The following OTUB1 variants were observed in gnomAD, a reference collection of about 807,000 sequenced individuals.
The protein encoded by OTUB1 is ubiquitin thioesterase OTUB1.
OTUB1 carries 10 observed loss-of-function variants against 35.8 expected under a neutral mutation model. That is an observed-to-expected ratio of 0.28 (90% CI 0.17 to 0.47). OTUB1 has a LOEUF of 0.47. OTUB1 is among the 20% of genes least tolerant of loss of function. The probability of loss-of-function intolerance (pLI) is 0.99; values close to 1 mark genes in which losing one functional copy is unlikely to be tolerated. For synonymous variants in OTUB1, 158 were observed against 143.8 expected, an observed-to-expected ratio of 1.10 and a Z score of -0.71; for missense variants, 264 against 351.6, an observed-to-expected ratio of 0.75 and a Z score of 1.99.
At chr11:63,994,489 T>A (rs988175267) in intron 3 of OTUB1, among the ~76,000 whole-genome samples, 5 of 152,162 alleles carry the variant, frequency 3.3e-5, no homozygotes, top group Non-Finnish European at 7.4e-5. Flanking sequence ...TTGACCTCGA[T>A]ATCTGCCTGC....
intron 3 of OTUB1, among the ~76,000 whole-genome samples, chr11:63,993,123 T>C (rs991861320): frequency 3.3e-5 from 5 of 152,134 alleles, no homozygotes; most frequent in South Asian, 2.1e-4. Flanking sequence ...TAAGAAGCAG[T>C]TGGATACCAG....
At chr11:63,991,029 C>G (rs1210373451) in intron 3 of OTUB1, among the ~76,000 whole-genome samples, 1 of 152,192 alleles carries the variant, frequency 6.6e-6, no homozygotes, top group South Asian at 2.1e-4. Flanking sequence ...GCACTGTGAT[C>G]TACTGAGGCC....
intron 1 of OTUB1, among the ~76,000 whole-genome samples, chr11:63,987,761 C>A (rs1399245250): frequency 6.6e-6 from 1 of 152,192 alleles, no homozygotes; most frequent in African/African-American, 2.4e-5. Context: ...AAAGTGCAGG[C>A]TCATAGGAAG....
At chr11:63,990,601 T>TA (rs1213908511) in intron 3 of OTUB1, 6 of 132,658 alleles carry the variant, frequency 4.5e-5, no homozygotes, top group African/African-American at 1.2e-4. Flanking sequence ...AATAAAAAAA[T>TA]AAATAAATAA....
chr11:63,986,837 C>T, intron 1 of OTUB1: 1 of 329,090 alleles, frequency 3.0e-6, no homozygotes, highest in Non-Finnish European at 5.5e-6. Flanking sequence ...CCCTCTCGCC[C>T]CTGTCCTTGC....
At chr11:63,989,983 C>G (rs2134306284) in intron 3 of OTUB1, 1 of 150,694 alleles carries the variant, frequency 6.6e-6, no homozygotes, top group Middle Eastern at 3.4e-3. Flanking sequence ...CTACTGCACT[C>G]CAGCCTGGGC....
At chr11:63,996,722 G>A (rs1379114835) in intron 4 of OTUB1, 74 bp downstream of exon 4, 5 of 1,612,452 alleles carry the variant, frequency 3.1e-6, no homozygotes, top group South Asian at 2.2e-5. Flanking sequence ...GATGTGTCTC[G>A]AGTAGGGTGT....
chr11:63,990,601 T>C (rs12271372), intron 3 of OTUB1: 1 of 132,662 alleles, frequency 7.5e-6, no homozygotes, highest in African/African-American at 3.0e-5. Flanking sequence ...AATAAAAAAA[T>C]AAATAAATAA....
intron 3 of OTUB1, 144 bp from the exon 4 acceptor site, chr11:63,996,386 C>G: frequency 2.5e-6 from 2 of 805,336 alleles, no homozygotes; most frequent in East Asian, 2.6e-5. Context: ...CATTCAGCAG[C>G]CTGTTTCAGG....
At chr11:63,996,992 G>A (rs1299154831) in intron 5 of OTUB1, 51 bp downstream of exon 5, 2 of 1,612,918 alleles carry the variant, frequency 1.2e-6, no homozygotes, top group Non-Finnish European at 8.5e-7. Context: ...GGGTTCACCT[G>A]GTGAGGACCA....
chr11:63,995,194 C>G (rs1308691372), intron 3 of OTUB1, among the ~76,000 whole-genome samples: 2 of 152,082 alleles, frequency 1.3e-5, no homozygotes, highest in Non-Finnish European at 2.9e-5. Context: ...CCACCATGTG[C>G]AGCTCACTTG....
Position 63,997,544 on chromosome 11 carries a change from T to C in OTUB1, c.814T>C (p.Ter272GlnextTer17), listed in dbSNP as rs1942734103. 6 of 1,612,948 alleles carry C rather than the reference T, an allele frequency of 3.7e-6. No individual in the cohort carries two copies. Among genetic ancestry groups the C allele is most frequent in the Non-Finnish European group, 4.2e-6 (5 of 1,179,254 alleles). The change falls in exon 7 of 7, where the codon TAG (stop) becomes CAG (glutamine). Residue 272 changes from the stop codon to glutamine, a stop_lost. Transcript: ENST00000538426. ...TGGACACTACGATATCCTCTACAAA[T>C]AGGGCTGGCTCCAGCCCGCTGCTGC... ...RPGHYDILYK[*>Q]
At position 63,997,211 on chromosome 11, in the gene OTUB1, G is replaced by T. The variant is rs11537828; in HGVS notation, c.585G>T (p.Glu195Asp). 1 of 1,614,192 alleles carries T rather than the reference G, an allele frequency of 6.2e-7. No homozygotes were observed. Among genetic ancestry groups the T allele is most frequent in the African/African-American group, 1.3e-5 (1 of 75,052 alleles). The change falls in exon 6 of 7, where the codon GAG (glutamate) becomes GAT (aspartate). Residue 195 changes from glutamate to aspartate, a missense_variant. Transcript: ENST00000538426. ...RESKFFEHFI[E>D]GGRTVKEFCQ... ...GCAAGTTCTTCGAGCACTTCATCGA[G>T]GGTGGACGGACTGTCAAGGAGTTCT...
Position 63,996,575 on chromosome 11 carries a change from G to A in OTUB1, c.265G>A (p.Gly89Ser). 1.2e-6 allele frequency: 2 copies of A among 1,614,206 alleles called. No homozygotes were observed. Among genetic ancestry groups the A allele is most frequent in the Non-Finnish European group, 1.7e-6 (2 of 1,180,038 alleles). Residue 89 changes from glycine to serine, a missense_variant, in exon 4 of 7, where the codon GGC (glycine) becomes AGC (serine). Around this residue, in one of 2 missense-constraint regions of OTUB1, gnomAD observed 214 missense variants for 317.1 expected, o/e 0.67. Coordinates refer to ENST00000538426, the MANE Select transcript of OTUB1 (RefSeq NM_017670.3). ...YSYIRKTRPD[G>S]NCFYRAFGFS... ...GTACATCCGCAAGACCAGGCCTGAC[G>A]GCAACTGTTTCTATCGGGCTTTCGG...
chr11:63,987,743 G>T (rs320113), intron 1 of OTUB1, among the ~76,000 whole-genome samples: 1 of 152,098 alleles, frequency 6.6e-6, no homozygotes, highest in African/African-American at 2.4e-5. Context: ...TGAAGGCGGT[G>T]ATGGAGTAAA....
At position 63,998,021 on chromosome 11, in the gene OTUB1, TC is replaced by T; in HGVS notation, c.*477del. ...CCCGGCTGGGCCCCAGACCCCAGCT[TC>T]CTGCCCTCCACCGGGAGTCTGCATG... On this transcript the variant is annotated 3_prime_UTR_variant, in exon 7 of 7. Transcript: ENST00000538426. 1.9e-6 allele frequency: 1 copy of T among 519,676 alleles called. No individual in the cohort carries two copies. The highest frequency in any genetic ancestry group is 3.4e-5 in the East Asian group (1 of 29,298). 32.2% of individuals were successfully genotyped at this position (519,676 alleles called of 1,614,324 possible).
rs1565184210 is a variant in OTUB1 at position 63,988,384 on chromosome 11, C to T, written c.106C>T (p.Arg36Ter). 2 of 1,553,900 alleles carry T rather than the reference C, an allele frequency of 1.3e-6. No individual in the cohort carries two copies. The highest frequency in any genetic ancestry group is 1.7e-6 in the Non-Finnish European group (2 of 1,147,998). ...TGAAGCCATCATGGCTCAGCAGGAC[C>T]GAATTCAGCAAGAGGTGAGGGGCTG... ...YDEAIMAQQD[R>*]IQQEIAVQNP... Residue 36 changes from arginine to a stop codon, truncating the protein, a stop_gained, in exon 2 of 7, where the codon CGA (arginine) becomes TGA (stop). Transcript: ENST00000538426. LOFTEE classifies it high-confidence loss of function.
chr11:63,992,176 T>C (rs564198016), intron 3 of OTUB1, among the ~76,000 whole-genome samples: 2 of 151,326 alleles, frequency 1.3e-5, no homozygotes, highest in Admixed American at 6.6e-5. Flanking sequence ...ATTGTGCCAC[T>C]GCACTCCAGC....
In OTUB1 at chr11:63,988,381, G is replaced by A; in HGVS notation, c.103G>A (p.Asp35Asn). Residue 35 changes from aspartate (D) to asparagine (N), a missense_variant, in exon 2 of 7, where the codon GAC becomes AAC. Asp to Asn is a conservative substitution (Grantham distance 23, BLOSUM62 1). Around this residue, in one of 2 missense-constraint regions of OTUB1, gnomAD observed 214 missense variants for 317.1 expected, o/e 0.67. Coordinates refer to ENST00000538426, the MANE Select transcript of OTUB1 (RefSeq NM_017670.3). ...AYDEAIMAQQ[D>N]RIQQEIAVQN... ...TGATGAAGCCATCATGGCTCAGCAG[G>A]ACCGAATTCAGCAAGAGGTGAGGGG... 6.4e-7 allele frequency: 1 copy of A among 1,554,058 alleles called. No homozygotes were observed. Among genetic ancestry groups the A allele is most frequent in the Admixed American group, 2.0e-5 (1 of 51,082 alleles).
Sources: gnomAD v4.1 joint callset for allele counts (sites outside exome capture counted in the v4.1 genomes callset) on GRCh38, gnomAD v4.1.1 for gene constraint, gnomAD v4.1.1 regional missense constraint, MANE v1.5 for transcripts, NCBI Gene and HGNC (gene_info 2026-07-23, HGNC 2026-07-21) for gene names.